Variants in SNX29 observed in about 807,000 individuals in gnomAD.
SNX29 encodes the protein sorting nexin-29.
In SNX29, 78 loss-of-function variants were observed where a neutral mutation model predicts 102.1. The ratio of observed to expected loss-of-function variants is 0.76; its 90% CI spans 0.64 to 0.92. SNX29 has a LOEUF of 0.92. SNX29 is among the 40% of genes least tolerant of loss of function. The probability of loss-of-function intolerance (pLI) is 0.00; values close to 1 mark genes in which losing one functional copy is unlikely to be tolerated. For synonymous variants in SNX29, 580 were observed against 414.5 expected, an observed-to-expected ratio of 1.40 and a Z score of -4.85; for missense variants, 1,280 against 1,061.7, an observed-to-expected ratio of 1.21 and a Z score of -2.86.
At chr16:12,360,592 C>T (rs2082273615) in intron 16 of SNX29, among the ~76,000 whole-genome samples, 1 of 152,144 alleles carries the variant, frequency 6.6e-6, no homozygotes, top group Non-Finnish European at 1.5e-5. Context: ...GGTGCGAGTT[C>T]ACACCAGACC....
In SNX29 at chr16:12,572,678, G is replaced by A. The variant is rs1395626319; in HGVS notation, c.*4049G>A. The stretch of plus-strand genomic sequence containing the variant: ...TGTGTGAGCTGCAGCACCCACACGG[G>A]GGAAGCCCTGCACTCCAGCAGCATC... On this transcript the variant is annotated 3_prime_UTR_variant, in exon 21 of 21. Transcript: ENST00000566228. 9.4e-7 allele frequency: 1 copy of A among 1,063,638 alleles called. No individual in the cohort carries two copies. Among genetic ancestry groups the A allele is most frequent in the African/African-American group, 1.6e-5 (1 of 60,928 alleles). The allele number at this position is 1,063,638 out of a possible 1,614,324, so 65.9% of individuals were successfully genotyped here.
At chr16:12,355,843 TAAAAAAAAAAAAAAAAAAAAA>T (rs56358290) in intron 15 of SNX29, among the ~76,000 whole-genome samples, 2 of 85,582 alleles carry the variant, frequency 2.3e-5, no homozygotes, top group African/African-American at 1.0e-4. Flanking sequence ...GAGATCTTAT[TAAAAAAAAAAAAAAAAAAAAA>T]AAAAAAAAAA....
At chr16:12,561,745 G>C (rs1013257527) in intron 20 of SNX29, among the ~76,000 whole-genome samples, 3 of 152,162 alleles carry the variant, frequency 2.0e-5, no homozygotes, top group Non-Finnish European at 4.4e-5. Context: ...GGATGGAGAT[G>C]GAGTTTCTGA....
At chr16:12,239,155 T>G (rs2078024995) in intron 14 of SNX29, among the ~76,000 whole-genome samples, 1 of 152,080 alleles carries the variant, frequency 6.6e-6, no homozygotes, top group Admixed American at 6.6e-5. Context: ...AGGGCTTCTG[T>G]GATGAAGGAA....
At chr16:12,556,843 G>A (rs145567064) in intron 20 of SNX29, among the ~76,000 whole-genome samples, 10 of 152,126 alleles carry the variant, frequency 6.6e-5, no homozygotes, top group Admixed American at 2.6e-4. Context: ...GAAGTTTGAT[G>A]GTGGAAAAAA....
intron 11 of SNX29, among the ~76,000 whole-genome samples, chr16:12,125,758 A>G (rs1288224011): frequency 6.6e-6 from 1 of 151,874 alleles, no homozygotes; most frequent in African/African-American, 2.4e-5. Flanking sequence ...TGCCCGGCCT[A>G]CATCTCTTAA....
At chr16:12,431,075 C>T (rs1398927114) in intron 18 of SNX29, among the ~76,000 whole-genome samples, 1 of 152,152 alleles carries the variant, frequency 6.6e-6, no homozygotes, top group Non-Finnish European at 1.5e-5. Context: ...TGGTCTCGAA[C>T]TCCTGATCTC....
chr16:12,277,285 A>G (rs2079281398), intron 14 of SNX29, among the ~76,000 whole-genome samples: 1 of 152,132 alleles, frequency 6.6e-6, no homozygotes, highest in African/African-American at 2.4e-5. Flanking sequence ...CTACAGTCCC[A>G]GTGACTCAGG....
chr16:12,210,769 T>A (rs543610664), intron 14 of SNX29, among the ~76,000 whole-genome samples: 1 of 151,662 alleles, frequency 6.6e-6, no homozygotes, highest in Admixed American at 6.6e-5. Flanking sequence ...TTTTCCCCTA[T>A]CTCCTCCCCT....
chr16:12,462,018 C>CATATGT (rs2086823872), intron 18 of SNX29, among the ~76,000 whole-genome samples: 1 of 59,514 alleles, frequency 1.7e-5, no homozygotes, highest in African/African-American at 5.8e-5. Context: ...TATATGTATA[C>CATATGT]ACACACACAC....
intron 20 of SNX29, among the ~76,000 whole-genome samples, chr16:12,544,044 C>T (rs981756619): frequency 6.6e-6 from 1 of 152,214 alleles, no homozygotes; most frequent in African/African-American, 2.4e-5. Context: ...CATCACATTG[C>T]AAAGCCACAG....
chr16:12,457,860 A>G (rs1253793285), intron 18 of SNX29, among the ~76,000 whole-genome samples: 11 of 152,224 alleles, frequency 7.2e-5, no homozygotes, highest in African/African-American at 2.7e-4. Context: ...TGTGGTCTGC[A>G]TACGGGTGCA....
At chr16:12,265,453 C>T (rs1325891356) in intron 14 of SNX29, among the ~76,000 whole-genome samples, 5 of 151,966 alleles carry the variant, frequency 3.3e-5, no homozygotes, top group African/African-American at 9.7e-5. Context: ...GACGCAGCTT[C>T]GAAACAGGTG....
intron 8 of SNX29, among the ~76,000 whole-genome samples, chr16:12,057,753 C>G (rs1031389802): frequency 4.0e-5 from 6 of 151,496 alleles, no homozygotes; most frequent in African/African-American, 1.5e-4. Flanking sequence ...TTAAGAGTGT[C>G]TAGTGTTATG....
chr16:12,498,084 G>C (rs1167920157), intron 19 of SNX29, among the ~76,000 whole-genome samples: 1 of 152,228 alleles, frequency 6.6e-6, no homozygotes, highest in Non-Finnish European at 1.5e-5. Flanking sequence ...GGTCAGAACT[G>C]AGGTGCCACC....
intron 19 of SNX29, among the ~76,000 whole-genome samples, chr16:12,524,023 C>T (rs189267757): frequency 2.5e-3 from 388 of 152,272 alleles, no homozygotes; most frequent in African/African-American, 9.1e-3. Context: ...GCTGGGATTA[C>T]AGGAACGTGC....
chr16:12,498,402 A>T (rs190953355), intron 19 of SNX29, among the ~76,000 whole-genome samples: 3 of 138,750 alleles, frequency 2.2e-5, no homozygotes, highest in Non-Finnish European at 3.0e-5. Flanking sequence ...TTTGGCATTT[A>T]AAAAAAAAAT....
chr16:12,247,665 A>C (rs2078298855), intron 14 of SNX29, among the ~76,000 whole-genome samples: 1 of 152,168 alleles, frequency 6.6e-6, no homozygotes, highest in Non-Finnish European at 1.5e-5. Flanking sequence ...GGAGGATTTC[A>C]ATGTGGTTTA....
At chr16:12,456,419 CA>C (rs1002625343) in intron 18 of SNX29, among the ~76,000 whole-genome samples, 1 of 152,024 alleles carries the variant, frequency 6.6e-6, no homozygotes, top group African/African-American at 2.4e-5. Context: ...CTCATTATAC[CA>C]AATGCTGTGA....
Sources: gnomAD v4.1 joint callset for allele counts (sites outside exome capture counted in the v4.1 genomes callset) on GRCh38, gnomAD v4.1.1 for gene constraint, MANE v1.5 for transcripts, NCBI Gene and HGNC (gene_info 2026-07-23, HGNC 2026-07-21) for gene names.